PIGL: variants seen among roughly 807,000 people sequenced by gnomAD.
PIGL encodes the protein N-acetylglucosaminyl-phosphatidylinositol de-N-acetylase.
A neutral mutation model predicts 31.1 loss-of-function variants in PIGL; 22 were observed. The observed-to-expected ratio is 0.71, with a 90% CI of 0.51 to 1.01. The LOEUF (loss-of-function observed/expected upper bound fraction) is 1.01. Among genes scored for constraint, PIGL ranks in the 50% least tolerant of loss-of-function variants. The probability of loss-of-function intolerance (pLI) is 0.00; values close to 1 mark genes in which losing one functional copy is unlikely to be tolerated. For synonymous variants in PIGL, 131 were observed against 117.4 expected, an observed-to-expected ratio of 1.12 and a Z score of -0.75; for missense variants, 302 against 315.9, an observed-to-expected ratio of 0.96 and a Z score of 0.33.
At chr17:16,307,247 G>C (rs550816257) in intron 3 of PIGL, among the ~76,000 whole-genome samples, 30 of 152,342 alleles carry the variant, frequency 2.0e-4, no homozygotes, top group African/African-American at 6.5e-4. Context: ...CACTCTGAGA[G>C]GATGTTTGGT....
chr17:16,234,319 G>T (rs970058234), intron 2 of PIGL, among the ~76,000 whole-genome samples: 1 of 151,452 alleles, frequency 6.6e-6, no homozygotes, highest in African/African-American at 2.4e-5. Flanking sequence ...AAATTAGCTG[G>T]GCATTGTGGT....
chr17:16,220,280 G>A (rs535541687), intron 1 of PIGL, among the ~76,000 whole-genome samples: 13 of 151,954 alleles, frequency 8.6e-5, no homozygotes, highest in Non-Finnish European at 1.6e-4. Flanking sequence ...CCCAGGAGGC[G>A]GAGGTTACAG....
chr17:16,322,991 G>A (rs1404790303), intron 6 of PIGL, among the ~76,000 whole-genome samples: 3 of 152,114 alleles, frequency 2.0e-5, no homozygotes, highest in Non-Finnish European at 4.4e-5. Flanking sequence ...AGTGCCATTG[G>A]CCATGAGTTC....
At chr17:16,315,988 G>A (rs1051701938) in intron 4 of PIGL, among the ~76,000 whole-genome samples, 2 of 151,966 alleles carry the variant, frequency 1.3e-5, no homozygotes, top group African/African-American at 4.8e-5. Flanking sequence ...GAGCCACCGC[G>A]CCCGGCTCCT....
At chr17:16,247,921 T>C (rs1286868224) in intron 2 of PIGL, among the ~76,000 whole-genome samples, 1 of 152,068 alleles carries the variant, frequency 6.6e-6, no homozygotes, top group Non-Finnish European at 1.5e-5. Context: ...GGAGTCTCAC[T>C]CTGTCGCCCA....
At chr17:16,237,805 CAAAAAAAAAA>C in intron 2 of PIGL, among the ~76,000 whole-genome samples, 1 of 101,750 alleles carries the variant, frequency 9.8e-6, no homozygotes, top group Admixed American at 1.2e-4. Context: ...GTCTCAAAAG[CAAAAAAAAAA>C]AAAAAAAAAA....
At chr17:16,217,633 G>GCA in intron 1 of PIGL, 172 bp downstream of exon 1, 3 of 531,462 alleles carry the variant, frequency 5.6e-6, no homozygotes, top group Admixed American at 3.5e-5. Flanking sequence ...CGGCTTACCT[G>GCA]GTGGGTTGGG....
intron 2 of PIGL, among the ~76,000 whole-genome samples, chr17:16,244,273 G>A (rs936318522): frequency 1.3e-5 from 2 of 152,306 alleles, no homozygotes; most frequent in East Asian, 1.9e-4. Context: ...GGCTGTTACC[G>A]TCTTTGTTTA....
At chr17:16,224,505 C>T (rs2092643352) in intron 1 of PIGL, among the ~76,000 whole-genome samples, 1 of 151,568 alleles carries the variant, frequency 6.6e-6, no homozygotes, top group Non-Finnish European at 1.5e-5. Flanking sequence ...CGGGATTTTG[C>T]CATGTTGGCC....
chr17:16,233,838 CTT>C, intron 1 of PIGL, 131 bp from the exon 2 acceptor site: 1 of 569,684 alleles, frequency 1.8e-6, no homozygotes, highest in Non-Finnish European at 3.2e-6. Context: ...TTTTCTTAAA[CTT>C]TGTATCATAA....
chr17:16,283,237 A>T (rs1252551599), intron 2 of PIGL, among the ~76,000 whole-genome samples: 2 of 152,122 alleles, frequency 1.3e-5, no homozygotes, highest in Non-Finnish European at 2.9e-5. Context: ...TTCTGACCTC[A>T]GGTGATCTGC....
intron 2 of PIGL, among the ~76,000 whole-genome samples, chr17:16,281,719 G>C (rs533739671): frequency 4.2e-4 from 64 of 152,314 alleles, no homozygotes; most frequent in African/African-American, 1.5e-3. Flanking sequence ...ATTTTAGAAG[G>C]AATTGGATAC....
chr17:16,285,283 C>T (rs2092932583), intron 2 of PIGL, among the ~76,000 whole-genome samples: 1 of 152,176 alleles, frequency 6.6e-6, no homozygotes, highest in Admixed American at 6.5e-5. Context: ...CTTTTTATAT[C>T]CTATGAGAAA....
chr17:16,323,882 G>C (rs1218712959), intron 6 of PIGL, among the ~76,000 whole-genome samples: 1 of 152,014 alleles, frequency 6.6e-6, no homozygotes, highest in Non-Finnish European at 1.5e-5. Flanking sequence ...CTCCCAAAGT[G>C]ATAGGATTAC....
chr17:16,324,120 C>A (rs1015317604), intron 6 of PIGL, among the ~76,000 whole-genome samples: 17 of 150,372 alleles, frequency 1.1e-4, no homozygotes, highest in Non-Finnish European at 1.3e-4. Flanking sequence ...CCATGCCCAG[C>A]TAATTTTGGA....
At chr17:16,224,823 A>AT (rs1437852866) in intron 1 of PIGL, among the ~76,000 whole-genome samples, 51 of 151,654 alleles carry the variant, frequency 3.4e-4, no homozygotes, top group African/African-American at 1.2e-3. Flanking sequence ...TGCCCGGCTA[A>AT]TTTTTTGTAT....
At chr17:16,227,654 C>A (rs1205466114) in intron 1 of PIGL, among the ~76,000 whole-genome samples, 1 of 138,518 alleles carries the variant, frequency 7.2e-6, no homozygotes. Context: ...GATCTCGGCT[C>A]ACTGCAACCT....
intron 2 of PIGL, among the ~76,000 whole-genome samples, chr17:16,262,416 A>G (rs2142751761): frequency 6.6e-6 from 1 of 152,368 alleles, no homozygotes; most frequent in East Asian, 1.9e-4. Flanking sequence ...TAAAGGAAAA[A>G]TAAAAGTGTT....
At chr17:16,295,282 T>C (rs2092976499) in intron 2 of PIGL, among the ~76,000 whole-genome samples, 1 of 151,716 alleles carries the variant, frequency 6.6e-6, no homozygotes, top group Admixed American at 6.6e-5. Context: ...CGCACGCCTG[T>C]AATCCCGATT....
Sources: allele counts gnomAD v4.1 joint callset (sites outside exome capture counted in the v4.1 genomes callset), GRCh38; gene constraint gnomAD v4.1.1; transcripts MANE v1.5; gene names NCBI Gene and HGNC (gene_info 2026-07-23, HGNC 2026-07-21).